The following PRKCA variants were observed in gnomAD, a reference collection of about 807,000 sequenced individuals.
PRKCA encodes protein kinase C alpha type.
Under a neutral mutation model 87.0 loss-of-function variants are expected in PRKCA, and 27 were observed. That is an observed-to-expected ratio of 0.31 (90% CI 0.23 to 0.43). The LOEUF is 0.43. Ranked by LOEUF, PRKCA falls within the 20% of genes least tolerant of loss-of-function variation. The probability of loss-of-function intolerance (pLI) is 1.00; values close to 1 mark genes in which losing one functional copy is unlikely to be tolerated. For synonymous variants in PRKCA, 329 were observed against 311.1 expected (o/e 1.06, Z -0.61); for missense variants, 518 against 852.3 (o/e 0.61, Z 4.88).
At chr17:66,401,038 A>G (rs1012417398) in intron 2 of PRKCA, among the ~76,000 whole-genome samples, 3 of 152,162 alleles carry the variant, frequency 2.0e-5, no homozygotes, top group Admixed American at 2.0e-4. Context: ...AATTTAGTAC[A>G]AATGTTCTCA....
chr17:66,402,411 G>T (rs977567274), intron 2 of PRKCA, among the ~76,000 whole-genome samples: 3 of 120,054 alleles, frequency 2.5e-5, no homozygotes, highest in Non-Finnish European at 3.5e-5. Flanking sequence ...AAGAGGCCAA[G>T]AAATTTTTTT....
chr17:66,783,345 A>G (rs1258782024), intron 14 of PRKCA, among the ~76,000 whole-genome samples: 1 of 152,176 alleles, frequency 6.6e-6, no homozygotes, highest in Non-Finnish European at 1.5e-5. Context: ...ATTGCCAGAG[A>G]GGGGTAGAGG....
intron 3 of PRKCA, among the ~76,000 whole-genome samples, chr17:66,593,196 T>G (rs1567920851): frequency 1.3e-5 from 2 of 152,302 alleles, no homozygotes; most frequent in East Asian, 3.9e-4. Context: ...CATATGAAAT[T>G]AGTGGCTAAG....
intron 2 of PRKCA, among the ~76,000 whole-genome samples, chr17:66,470,935 C>T (rs1915299222): frequency 6.6e-6 from 1 of 151,708 alleles, no homozygotes. Flanking sequence ...GGTTATATCT[C>T]AAGTGAGAAA....
intron 3 of PRKCA, among the ~76,000 whole-genome samples, chr17:66,591,632 G>A (rs1181740210): frequency 6.6e-6 from 1 of 152,158 alleles, no homozygotes; most frequent in Admixed American, 6.5e-5. Flanking sequence ...CACTTTGGTG[G>A]TTTAATTATA....
chr17:66,730,849 T>C (rs1472726328), intron 8 of PRKCA, among the ~76,000 whole-genome samples: 2 of 152,302 alleles, frequency 1.3e-5, no homozygotes, highest in East Asian at 3.9e-4. Context: ...TCAGTACTTG[T>C]GGGATGAAGG....
At chr17:66,381,594 G>C (rs570635470) in intron 2 of PRKCA, among the ~76,000 whole-genome samples, 4 of 152,296 alleles carry the variant, frequency 2.6e-5, no homozygotes, top group Admixed American at 2.6e-4. Flanking sequence ...TCCATATCTT[G>C]CTCTATTCTA....
intron 13 of PRKCA, among the ~76,000 whole-genome samples, chr17:66,762,214 C>T (rs1438396645): frequency 6.6e-6 from 1 of 152,210 alleles, no homozygotes; most frequent in Non-Finnish European, 1.5e-5. Flanking sequence ...CCTCTGTCCC[C>T]CTCTGAGCCA....
intron 14 of PRKCA, among the ~76,000 whole-genome samples, chr17:66,776,456 C>G (rs143334643): frequency 6.6e-6 from 1 of 152,134 alleles, no homozygotes; most frequent in East Asian, 1.9e-4. Flanking sequence ...ATTACAGGCA[C>G]CTGCCAACAC....
intron 2 of PRKCA, among the ~76,000 whole-genome samples, chr17:66,323,238 G>A (rs766674402): frequency 2.0e-5 from 3 of 152,108 alleles, no homozygotes; most frequent in Non-Finnish European, 2.9e-5. Context: ...CCCAGTGCAC[G>A]TTACCACATT....
intron 8 of PRKCA, among the ~76,000 whole-genome samples, chr17:66,706,363 C>T (rs1039083904): frequency 1.3e-4 from 20 of 152,120 alleles, no homozygotes; most frequent in African/African-American, 4.6e-4. Flanking sequence ...AGGCTGGGTG[C>T]GGTGGCTCAC....
chr17:66,453,620 C>A (rs547745838), intron 2 of PRKCA, among the ~76,000 whole-genome samples: 1 of 152,104 alleles, frequency 6.6e-6, no homozygotes, highest in African/African-American at 2.4e-5. Context: ...GCCCAGCCCC[C>A]CTGATCTTTA....
chr17:66,349,390 A>C (rs771058835), intron 2 of PRKCA, among the ~76,000 whole-genome samples: 2 of 152,110 alleles, frequency 1.3e-5, no homozygotes, highest in Admixed American at 6.5e-5. Flanking sequence ...AAGGTTGCAC[A>C]TGTCTTAGGG....
chr17:66,496,591 A>G (rs993318740), intron 3 of PRKCA, among the ~76,000 whole-genome samples: 1 of 152,188 alleles, frequency 6.6e-6, no homozygotes, highest in African/African-American at 2.4e-5. Flanking sequence ...GACAGATTTT[A>G]CAATGAACAT....
At chr17:66,354,414 T>A (rs575968256) in intron 2 of PRKCA, among the ~76,000 whole-genome samples, 16 of 152,288 alleles carry the variant, frequency 1.1e-4, no homozygotes, top group Admixed American at 5.2e-4. Context: ...CTGTTGGTGG[T>A]GTAAATGGAT....
chr17:66,326,065 A>G (rs1004215886), intron 2 of PRKCA, among the ~76,000 whole-genome samples: 2 of 152,118 alleles, frequency 1.3e-5, no homozygotes, highest in African/African-American at 4.8e-5. Context: ...CCCTTTGTGT[A>G]TGGCCCACTG....
chr17:66,793,590 CAAAAAAAAA>C lies in PRKCA; in HGVS notation c.1854+4629_1854+4637del, dbSNP rs1168440797. Reference sequence around the variant, plus strand: ...GGGCGACAAGAATGAAACTCCGTCTCAAAAAAAAAAAAAAAAAAAAAAAAAACCGGAATG... The same window carrying C: ...GGGCGACAAGAATGAAACTCCGTCTCAAAAAAAAAAAAAAAAACCGGAATG... On this transcript the variant is annotated intron_variant, in intron 16 of 16. Transcript: ENST00000413366. 4.1e-3 allele frequency among the ~76,000 whole-genome samples: 210 copies of C among 51,602 alleles called. 1 individual carries two copies. The highest frequency in any genetic ancestry group is 0.013 in the African/African-American group (202 of 15,076). 33.9% of individuals were successfully genotyped at this position (51,602 alleles called of 152,430 possible).
chr17:66,480,293 C>T (rs1915722421), intron 2 of PRKCA, among the ~76,000 whole-genome samples: 1 of 152,084 alleles, frequency 6.6e-6, no homozygotes, highest in Admixed American at 6.5e-5. Flanking sequence ...TTTGGAGGCT[C>T]CTGGCCCCAT....
intron 3 of PRKCA, among the ~76,000 whole-genome samples, chr17:66,556,275 A>G (rs1398071727): frequency 2.6e-5 from 4 of 151,846 alleles, no homozygotes; most frequent in Non-Finnish European, 4.4e-5. Context: ...CATTTAAAAC[A>G]AATGAGTTAA....
Sources: allele counts gnomAD v4.1 joint callset (sites outside exome capture counted in the v4.1 genomes callset), GRCh38; gene constraint gnomAD v4.1.1; transcripts MANE v1.5; gene names NCBI Gene and HGNC (gene_info 2026-07-23, HGNC 2026-07-21).